Variants in PRR16 observed in about 807,000 individuals in gnomAD.
PRR16 encodes proline rich 16.
Under a neutral mutation model 18.2 loss-of-function variants are expected in PRR16, and 6 were observed. The ratio of observed to expected loss-of-function variants is 0.33; its 90% CI spans 0.18 to 0.65. The LOEUF is 0.65. Ranked by LOEUF, PRR16 falls within the 30% of genes least tolerant of loss-of-function variation. The probability of loss-of-function intolerance (pLI) is 0.74; values close to 1 mark genes in which losing one functional copy is unlikely to be tolerated. For synonymous variants in PRR16, 151 were observed against 147.8 expected (o/e 1.02, Z -0.16); for missense variants, 412 against 376.6 (o/e 1.09, Z -0.78).
chr5:120,716,357 A>G, the PRR16 span, among the ~76,000 whole-genome samples: 1 of 152,192 alleles, frequency 6.6e-6, no homozygotes, highest in South Asian at 2.1e-4. Flanking sequence ...TCATTTTGCC[A>G]AGGAAACATA....
At chr5:120,720,096 T>C in the PRR16 span, among the ~76,000 whole-genome samples, 1 of 151,998 alleles carries the variant, frequency 6.6e-6, no homozygotes, top group Non-Finnish European at 1.5e-5. Context: ...TATTTCATTT[T>C]GTCAACTGGT....
At chr5:120,670,428 G>A (rs956257264) in intron 1 of PRR16, among the ~76,000 whole-genome samples, 1 of 152,022 alleles carries the variant, frequency 6.6e-6, no homozygotes, top group African/African-American at 2.4e-5. Flanking sequence ...TATTTATGAT[G>A]TAGACTTTCA....
intron 1 of PRR16, among the ~76,000 whole-genome samples, chr5:120,656,226 G>C (rs1464379246): frequency 4.0e-5 from 6 of 151,816 alleles, no homozygotes; most frequent in Admixed American, 2.6e-4. Flanking sequence ...AGTTCTGCAA[G>C]TACACTATCT....
chr5:120,670,795 T>C (rs1398038177), intron 1 of PRR16, among the ~76,000 whole-genome samples: 2 of 152,206 alleles, frequency 1.3e-5, no homozygotes, highest in Admixed American at 6.5e-5. Flanking sequence ...AGATGGGCTT[T>C]AGAGATTTTC....
intron 1 of PRR16, among the ~76,000 whole-genome samples, chr5:120,519,592 A>C (rs1751107484): frequency 6.6e-6 from 1 of 152,186 alleles, no homozygotes; most frequent in Non-Finnish European, 1.5e-5. Context: ...TATGATGTTA[A>C]AAGGCCAGTT....
At chr5:120,789,336 C>T in the PRR16 span, among the ~76,000 whole-genome samples, 32 of 151,926 alleles carry the variant, frequency 2.1e-4, no homozygotes, top group Non-Finnish European at 4.4e-4. Context: ...ATAATTGTGG[C>T]ATTTCTTTTT....
intron 1 of PRR16, among the ~76,000 whole-genome samples, chr5:120,646,851 A>G (rs10434768): frequency 0.1 from 15,224 of 152,052 alleles, 1,017 homozygotes; most frequent in South Asian, 0.13. Flanking sequence ...TAGCAATGGA[A>G]TAACTAAGAG....
intron 1 of PRR16, among the ~76,000 whole-genome samples, chr5:120,667,870 T>G (rs1756448733): frequency 6.6e-6 from 1 of 152,142 alleles, no homozygotes; most frequent in South Asian, 2.1e-4. Context: ...GAGCTTTACT[T>G]CCAACTATGT....
intron 1 of PRR16, among the ~76,000 whole-genome samples, chr5:120,474,934 T>C (rs1749392481): frequency 1.3e-5 from 2 of 152,184 alleles, no homozygotes; most frequent in Non-Finnish European, 2.9e-5. Flanking sequence ...CATCCATCAA[T>C]TAGTCTTATG....
At chr5:120,584,410 T>C (rs1202296514) in intron 1 of PRR16, among the ~76,000 whole-genome samples, 1 of 152,136 alleles carries the variant, frequency 6.6e-6, no homozygotes, top group Non-Finnish European at 1.5e-5. Flanking sequence ...AAATATAGGG[T>C]AATAAATTGG....
the PRR16 span, among the ~76,000 whole-genome samples, chr5:120,738,675 A>G: frequency 1.3e-5 from 2 of 152,220 alleles, 1 homozygote; most frequent in African/African-American, 4.8e-5. Context: ...TCTTAAGCAC[A>G]GAGTTCAAAA....
At chr5:120,617,080 T>C in intron 1 of PRR16, 1 of 982,384 alleles carries the variant, frequency 1.0e-6, no homozygotes, top group Non-Finnish European at 1.2e-6. Flanking sequence ...TAAAGTTTTC[T>C]AATTTTTTTA....
intron 1 of PRR16, among the ~76,000 whole-genome samples, chr5:120,467,703 T>G (rs1019591181): frequency 6.6e-6 from 1 of 152,154 alleles, no homozygotes; most frequent in Non-Finnish European, 1.5e-5. Context: ...TTATAATTAC[T>G]TAATCAGTTA....
chr5:120,711,400 T>G, the PRR16 span, among the ~76,000 whole-genome samples: 2 of 152,162 alleles, frequency 1.3e-5, no homozygotes, highest in African/African-American at 2.4e-5. Context: ...GATTAACTAT[T>G]GGTTGGATGA....
chr5:120,699,051 C>A, the PRR16 span, among the ~76,000 whole-genome samples: 1 of 152,158 alleles, frequency 6.6e-6, no homozygotes, highest in African/African-American at 2.4e-5. Flanking sequence ...TCTATTCAGA[C>A]TAAGAGGTAT....
chr5:120,663,105 G>C (rs1185853629), intron 1 of PRR16, among the ~76,000 whole-genome samples: 1 of 152,014 alleles, frequency 6.6e-6, no homozygotes, highest in Non-Finnish European at 1.5e-5. Flanking sequence ...TCCATCTTTG[G>C]TATTCTTTGT....
chr5:120,598,587 C>T (rs1427185858), intron 1 of PRR16, among the ~76,000 whole-genome samples: 2 of 151,760 alleles, frequency 1.3e-5, no homozygotes, highest in African/African-American at 4.8e-5. Flanking sequence ...CCAACACTGC[C>T]CCCTCTAGTA....
the PRR16 span, among the ~76,000 whole-genome samples, chr5:120,761,130 C>G: frequency 1.7e-4 from 26 of 151,888 alleles, no homozygotes; most frequent in African/African-American, 6.0e-4. Context: ...TATTAAAAAT[C>G]AAGACTCAAG....
At chr5:120,752,627 C>T in the PRR16 span, among the ~76,000 whole-genome samples, 3 of 152,086 alleles carry the variant, frequency 2.0e-5, no homozygotes, top group African/African-American at 7.2e-5. Context: ...TTATTAACTT[C>T]TATATTCCTA....
Sources: gnomAD v4.1 joint callset for allele counts (sites outside exome capture counted in the v4.1 genomes callset) on GRCh38, gnomAD v4.1.1 for gene constraint, MANE v1.5 for transcripts, NCBI Gene and HGNC (gene_info 2026-07-23, HGNC 2026-07-21) for gene names.